EGF: variants seen among roughly 807,000 people sequenced by gnomAD.
The protein encoded by EGF is epidermal growth factor.
A neutral mutation model predicts 143.8 loss-of-function variants in EGF; 95 were observed. That is an observed-to-expected ratio of 0.66 (90% CI 0.56 to 0.78). EGF has a LOEUF of 0.78. Among genes scored for constraint, EGF ranks in the 30% least tolerant of loss-of-function variants. EGF has a pLI of 0.00. For synonymous variants in EGF, 510 were observed against 510.5 expected, an observed-to-expected ratio of 1.00 and a Z score of 0.01; for missense variants, 1,320 against 1,470.9, an observed-to-expected ratio of 0.90 and a Z score of 1.68.
chr4:109,976,313 A>G (rs1409510046), intron 13 of EGF, 78 bp downstream of exon 13: 7 of 1,231,566 alleles, frequency 5.7e-6, no homozygotes, highest in Non-Finnish European at 8.2e-6. Context: ...GTTTACACAC[A>G]CACACATACC....
intron 21 of EGF, among the ~76,000 whole-genome samples, chr4:110,000,121 C>T (rs746379310): frequency 2.6e-5 from 4 of 151,942 alleles, no homozygotes; most frequent in Non-Finnish European, 5.9e-5. Flanking sequence ...CGTAGTGATG[C>T]ACACCAGTAA....
At chr4:109,994,278 C>T (rs752021167) in intron 19 of EGF, among the ~76,000 whole-genome samples, 1 of 152,124 alleles carries the variant, frequency 6.6e-6, no homozygotes, top group Non-Finnish European at 1.5e-5. Flanking sequence ...TAGAAGAAAG[C>T]ACTGTGAGAA....
Position 109,921,957 on chromosome 4 carries a change from C to A in EGF, c.127+8495C>A, listed in dbSNP as rs538407077. Among the ~76,000 whole-genome samples, 4 of 151,676 alleles carry A rather than the reference C, an allele frequency of 2.6e-5. No individual in the cohort carries two copies. In the South Asian group the frequency reaches 6.2e-4, roughly 24 times the overall value. On this transcript the variant is annotated intron_variant, in intron 1 of 23. Transcript: ENST00000265171. ...AATCCTCTGCTCTTCCAGCCCAGGC[C>A]TTCCCTTACGAGGTTTAAAAACATG...
chr4:109,999,903 T>C lies in EGF; in HGVS notation c.3173+57T>C. ...CTCTTTCTAAGACCTCCCAGGGGAA[T>C]GCCTGTCTCCTTGAGATGAGATGTA... On this transcript the variant is annotated intron_variant, in intron 21 of 23. Coordinates refer to ENST00000265171, the MANE Select transcript of EGF (RefSeq NM_001963.6). 2.5e-6 allele frequency: 4 copies of C among 1,608,356 alleles called. No individual in the cohort carries two copies. In the South Asian group the frequency reaches 4.4e-5, roughly 18 times the overall value.
In EGF at chr4:109,969,107, GGACA is replaced by G. The variant is rs1479227411; in HGVS notation, c.1719_1722del (p.Asp573GlufsTer5). 1 of 1,613,988 alleles carries G rather than the reference GGACA, an allele frequency of 6.2e-7. No homozygotes were observed. Among genetic ancestry groups the G allele is most frequent in the African/African-American group, 1.3e-5 (1 of 74,892 alleles). On this transcript the variant is annotated frameshift_variant, in exon 11 of 24. Coordinates refer to ENST00000265171, the MANE Select transcript of EGF (RefSeq NM_001963.6). LOFTEE classifies it high-confidence loss of function. ...GACTGGATTGGCCGTAGATTCTATT[GGACA>G]GACAGAGGGTATGTTTTCTGCTTCA...
rs67237211 is a variant in EGF at position 109,932,324 on chromosome 4, C to CTT, written c.128-8610_128-8609dup. Among the ~76,000 whole-genome samples, 71 of 108,610 alleles carry CTT rather than the reference C, an allele frequency of 6.5e-4. 1 individual carries two copies. Among genetic ancestry groups the CTT allele is most frequent in the African/African-American group, 1.5e-3 (44 of 29,662 alleles). 71.3% of individuals were successfully genotyped at this position (108,610 alleles called of 152,430 possible). ...AATGTTTAAAGAGCCTTTTCTTTCT[C>CTT]TTTTTTTTTTTTTACATGAAAACCT... On this transcript the variant is annotated intron_variant, in intron 1 of 23. Coordinates refer to ENST00000265171, the MANE Select transcript of EGF (RefSeq NM_001963.6).
intron 1 of EGF, among the ~76,000 whole-genome samples, chr4:109,928,425 A>G (rs1439361437): frequency 1.3e-5 from 2 of 152,124 alleles, no homozygotes. Context: ...AGTAGAAAGG[A>G]ATGTCTGGGT....
At chr4:110,004,145 G>T in intron 21 of EGF, 1 of 360,116 alleles carries the variant, frequency 2.8e-6, no homozygotes, top group South Asian at 2.2e-5. Flanking sequence ...CTGGGGTATA[G>T]TTAGTACTCA....
In EGF at chr4:109,964,471, T is replaced by C. The variant is rs748532327; in HGVS notation, c.1509T>C (p.Tyr503=). 3 of 1,614,022 alleles carry C rather than the reference T, an allele frequency of 1.9e-6. No individual in the cohort carries two copies. Among genetic ancestry groups the C allele is most frequent in the African/African-American group, 1.3e-5 (1 of 75,042 alleles). Residue 503 remains tyrosine, a synonymous_variant, in exon 10 of 24, where the codon TAT becomes TAC. Transcript: ENST00000265171. ...IRHMHFDGTD[Y]GTLLSQQMGM... is the part of the protein sequence containing the mutation. ...ACATGCATTTTGATGGAACAGACTA[T>C]GGAACTCTGCTCAGCCAGCAGATGG...
At chr4:110,008,665 T>G (rs1176115852) in intron 23 of EGF, among the ~76,000 whole-genome samples, 2 of 152,218 alleles carry the variant, frequency 1.3e-5, no homozygotes, top group Non-Finnish European at 2.9e-5. Flanking sequence ...ATCTGAGGAT[T>G]GTCCTGGGGA....
intron 21 of EGF, among the ~76,000 whole-genome samples, chr4:110,001,292 C>G (rs1752542963): frequency 1.3e-5 from 2 of 152,136 alleles, no homozygotes; most frequent in African/African-American, 4.8e-5. Context: ...TAAATGCTAT[C>G]TGTTATTTTG....
intron 12 of EGF, 128 bp from the exon 13 acceptor site, chr4:109,975,884 C>T: frequency 9.5e-7 from 1 of 1,056,644 alleles, no homozygotes; most frequent in Non-Finnish European, 1.5e-6. Flanking sequence ...GCTATCTCTT[C>T]TTCTGTATTC....
chr4:109,918,620 C>G (rs972271288), intron 1 of EGF, among the ~76,000 whole-genome samples: 2 of 152,112 alleles, frequency 1.3e-5, no homozygotes, highest in African/African-American at 2.4e-5. Flanking sequence ...CTGTGTGTCT[C>G]ACTGCCCTCA....
At chr4:109,996,673 GCT>G (rs945395819) in intron 20 of EGF, among the ~76,000 whole-genome samples, 34 of 152,334 alleles carry the variant, frequency 2.2e-4, no homozygotes, top group African/African-American at 7.7e-4. Flanking sequence ...GGAAGAGCCA[GCT>G]CTTTCTTCCT....
chr4:109,929,867 C>T lies in EGF; in HGVS notation c.128-11079C>T, dbSNP rs11568867. Among the ~76,000 whole-genome samples the T allele has an allele frequency of 5.8e-4, 89 of 152,242 alleles. 1 individual carries two copies. Among genetic ancestry groups the T allele is most frequent in the African/African-American group, 2.0e-3 (83 of 41,552 alleles). On this transcript the variant is annotated intron_variant, in intron 1 of 23. Coordinates refer to ENST00000265171, the MANE Select transcript of EGF (RefSeq NM_001963.6). ...AGAAAGCTGTGAAAAGAAATTTGTG[C>T]TTGATATGGTTGGCTGTGTGTCCCC...
chr4:109,991,469 A>G (rs1299349875), intron 18 of EGF, among the ~76,000 whole-genome samples: 1 of 152,134 alleles, frequency 6.6e-6, no homozygotes, highest in Non-Finnish European at 1.5e-5. Context: ...TGGAGGGAGA[A>G]TAATGTGGCA....
Position 109,959,092 on chromosome 4 carries a change from G to C in EGF, c.941-220G>C, listed in dbSNP as rs1745259994. 3 of 580,078 alleles carry C rather than the reference G, an allele frequency of 5.2e-6. No individual in the cohort carries two copies. The East Asian group carries it at 9.5e-5, about 18-fold the overall frequency. The allele number at this position is 580,078 out of a possible 1,614,324, so 35.9% of individuals were successfully genotyped here. A position where few individuals can be genotyped will look rare whatever the true frequency, so the allele number is the denominator to read the frequency against. On this transcript the variant is annotated intron_variant, in intron 5 of 23. Coordinates refer to ENST00000265171, the MANE Select transcript of EGF (RefSeq NM_001963.6). ...AAGAAATGACATCTCCAGCTAATCA[G>C]GATGCCCAATCCTGAGAGGTTTTGG...
At chr4:109,999,971 G>C (rs1253422491) in intron 21 of EGF, 125 bp downstream of exon 21, 1 of 1,416,850 alleles carries the variant, frequency 7.1e-7, no homozygotes, top group Non-Finnish European at 9.8e-7. Context: ...CGTGAAATAG[G>C]CTGGGTGCAG....
chr4:109,914,967 A>G (rs1736364313), intron 1 of EGF, among the ~76,000 whole-genome samples: 2 of 152,218 alleles, frequency 1.3e-5, no homozygotes, highest in Admixed American at 1.3e-4. Flanking sequence ...AAGCTAGGAA[A>G]GAAGAACCCA....
Sources: gnomAD v4.1 joint callset for allele counts (sites outside exome capture counted in the v4.1 genomes callset) on GRCh38, gnomAD v4.1.1 for gene constraint, MANE v1.5 for transcripts, NCBI Gene and HGNC (gene_info 2026-07-23, HGNC 2026-07-21) for gene names.